CCAR1: variants seen among roughly 807,000 people sequenced by gnomAD.
The protein encoded by CCAR1 is cell division cycle and apoptosis regulator protein 1.
Under a neutral mutation model 163.8 loss-of-function variants are expected in CCAR1, and 78 were observed. The observed-to-expected ratio is 0.48, with a 90% CI of 0.40 to 0.57. The LOEUF is 0.57. CCAR1 is among the 20% of genes least tolerant of loss of function. The pLI, the probability that CCAR1 is intolerant of heterozygous loss-of-function variation, is 0.00. For synonymous variants in CCAR1, 443 were observed against 460.7 expected (o/e 0.96, Z 0.49); for missense variants, 1,019 against 1,365.2 (o/e 0.75, Z 4.00).
At chr10:68,774,341 A>G (rs2056637621) in intron 19 of CCAR1, among the ~76,000 whole-genome samples, 1 of 152,116 alleles carries the variant, frequency 6.6e-6, no homozygotes, top group Non-Finnish European at 1.5e-5. Context: ...TATATTCTTT[A>G]GAAAACTAAT....
At chr10:68,737,125 T>A (rs2056122009) in intron 3 of CCAR1, 77 bp downstream of exon 3, 12 of 939,392 alleles carry the variant, frequency 1.3e-5, no homozygotes, top group Non-Finnish European at 1.8e-5. Context: ...CTACCTTCAT[T>A]TTACAGGTAG....
chr10:68,737,920 A>G, intron 4 of CCAR1, 31 bp downstream of exon 4: 1 of 1,431,174 alleles, frequency 7.0e-7, no homozygotes, highest in East Asian at 2.3e-5. Flanking sequence ...TTAAAAACTG[A>G]TTTTAAAATA....
At chr10:68,737,069 A>C in intron 3 of CCAR1, 21 bp downstream of exon 3, 1 of 1,578,502 alleles carries the variant, frequency 6.3e-7, no homozygotes, top group Non-Finnish European at 8.7e-7. Context: ...AATATGTCTT[A>C]TTATTTGATG....
chr10:68,746,647 A>C (rs902498743), intron 6 of CCAR1, among the ~76,000 whole-genome samples: 4 of 151,920 alleles, frequency 2.6e-5, no homozygotes, highest in Non-Finnish European at 5.9e-5. Flanking sequence ...GCACCATCTC[A>C]GCTCACTGGA....
At chr10:68,760,896 C>T in intron 15 of CCAR1, 111 bp from the exon 16 acceptor site, 2 of 399,392 alleles carry the variant, frequency 5.0e-6, no homozygotes, top group South Asian at 4.0e-5. Flanking sequence ...AAAAAAAACA[C>T]ACAAAATATA....
chr10:68,749,464 A>AT (rs2056302822), intron 9 of CCAR1, 60 bp from the exon 10 acceptor site: 4 of 1,446,684 alleles, frequency 2.8e-6, no homozygotes, highest in Non-Finnish European at 3.8e-6. Context: ...TATTTACTTC[A>AT]TTGAAGAGCT....
At chr10:68,733,282 G>A (rs34441078) in intron 2 of CCAR1, among the ~76,000 whole-genome samples, 17,402 of 151,870 alleles carry the variant, frequency 0.11, 1,051 homozygotes, top group South Asian at 0.16. Context: ...ATGGTGGAAT[G>A]TGCCTGTAGT....
intron 1 of CCAR1, chr10:68,721,661 TC>T (rs1219490564): frequency 2.4e-6 from 1 of 423,478 alleles, no homozygotes; most frequent in Non-Finnish European, 4.7e-6. Context: ...AGAGGCTTTC[TC>T]CGTGCGTGGT....
chr10:68,770,103 T>C (rs1241931649), intron 17 of CCAR1, among the ~76,000 whole-genome samples: 1 of 152,218 alleles, frequency 6.6e-6, no homozygotes, highest in Non-Finnish European at 1.5e-5. Context: ...GCTTATTTCC[T>C]TATTGCCTTC....
intron 19 of CCAR1, among the ~76,000 whole-genome samples, chr10:68,781,711 G>A (rs1461967756): frequency 6.6e-6 from 1 of 151,982 alleles, no homozygotes; most frequent in Non-Finnish European, 1.5e-5. Context: ...TAAAATTGGT[G>A]TGGTTACATG....
rs751893077 is a variant in CCAR1 at position 68,757,374 on chromosome 10, G to T, written c.1917G>T (p.Met639Ile). Residue 639 changes from methionine (M) to isoleucine (I), a missense_variant, in exon 15 of 25, where the codon ATG becomes ATT. Met to Ile is a conservative substitution (Grantham distance 10). Coordinates refer to ENST00000265872, the MANE Select transcript of CCAR1 (RefSeq NM_018237.4). ...GGTCTAAACTTGATCCAAAGACAAT[G>T]AAGGTAACTTTGATAAGGATGGATT... ...THWSKLDPKT[M>I]KVNDLRKELE... The T allele has an allele frequency of 1.3e-6, 2 of 1,519,468 alleles. No individual in the cohort carries two copies. The highest frequency in any genetic ancestry group is 1.8e-6 in the Non-Finnish European group (2 of 1,099,354). The allele number at this position is 1,519,468 out of a possible 1,614,324, so 94.1% of individuals were successfully genotyped here.
intron 19 of CCAR1, among the ~76,000 whole-genome samples, chr10:68,775,481 C>G (rs1467424170): frequency 6.9e-6 from 1 of 145,274 alleles, no homozygotes; most frequent in Admixed American, 7.1e-5. Flanking sequence ...AGTGTTCCAG[C>G]TGTCAGCCTC....
At chr10:68,770,225 G>A (rs2056585361) in intron 17 of CCAR1, among the ~76,000 whole-genome samples, 1 of 151,958 alleles carries the variant, frequency 6.6e-6, no homozygotes, top group Admixed American at 6.6e-5. Flanking sequence ...TGTTGATTTG[G>A]TTGTTCATTT....
At chr10:68,750,813 A>G (rs953352162) in intron 10 of CCAR1, among the ~76,000 whole-genome samples, 3 of 152,176 alleles carry the variant, frequency 2.0e-5, no homozygotes, top group Non-Finnish European at 4.4e-5. Context: ...GGATATTATT[A>G]TGTTTAAACA....
At chr10:68,761,309 ATTAAT>A in intron 16 of CCAR1, 117 bp downstream of exon 16, 2 of 421,856 alleles carry the variant, frequency 4.7e-6, no homozygotes, top group Middle Eastern at 6.9e-4. Context: ...AATTTAATTA[ATTAAT>A]TTATTTATTT....
chr10:68,731,591 G>GTTTTTTTTTT (rs67032408), intron 2 of CCAR1, among the ~76,000 whole-genome samples: 10 of 75,612 alleles, frequency 1.3e-4, no homozygotes, highest in Admixed American at 3.7e-4. Context: ...TCTTGTTTCT[G>GTTTTTTTTTT]TTTTTTTTTT....
chr10:68,722,584 C>A lies in CCAR1; in HGVS notation c.73+7C>A. On this transcript the variant is annotated splice_region_variant and intron_variant, in intron 2 of 24. Transcript: ENST00000265872. ...ACTGCAGTATCACAGCCAGGTCAGGCTTCTAAATACATGTACTGTAATTGT... is the reference window on the plus strand; with the variant it reads ...ACTGCAGTATCACAGCCAGGTCAGGATTCTAAATACATGTACTGTAATTGT... The A allele has an allele frequency of 6.2e-7, 1 of 1,600,364 alleles. No individual in the cohort carries two copies. The highest frequency in any genetic ancestry group is 1.3e-5 in the African/African-American group (1 of 74,742).
At chr10:68,775,514 T>G (rs1468477428) in intron 19 of CCAR1, among the ~76,000 whole-genome samples, 11 of 95,594 alleles carry the variant, frequency 1.2e-4, no homozygotes, top group Non-Finnish European at 1.7e-4. Flanking sequence ...TTTTTTTTTT[T>G]GTTTTTTGTT....
chr10:68,781,676 G>C (rs2056737632), intron 19 of CCAR1, among the ~76,000 whole-genome samples: 1 of 151,958 alleles, frequency 6.6e-6, no homozygotes, highest in African/African-American at 2.4e-5. Context: ...GCAACATAGT[G>C]ATACCCCATC....
Sources: gnomAD v4.1 joint callset for allele counts (sites outside exome capture counted in the v4.1 genomes callset) on GRCh38, gnomAD v4.1.1 for gene constraint, MANE v1.5 for transcripts, NCBI Gene and HGNC (gene_info 2026-07-23, HGNC 2026-07-21) for gene names.